Variants in MYO1E observed in about 807,000 individuals in gnomAD.
The protein encoded by MYO1E is unconventional myosin-Ie.
A neutral mutation model predicts 151.1 loss-of-function variants in MYO1E; 68 were observed. The ratio of observed to expected loss-of-function variants is 0.45; its 90% CI spans 0.37 to 0.55. The LOEUF is 0.55. Ranked by LOEUF, MYO1E falls within the 20% of genes least tolerant of loss-of-function variation. The pLI is 0.00. For missense variants in MYO1E, 1,363 were observed against 1,389.3 expected, an observed-to-expected ratio of 0.98 and a Z score of 0.30; for synonymous variants, 601 against 501.7, an observed-to-expected ratio of 1.20 and a Z score of -2.64.
chr15:59,354,704 G>T (rs1223200997), intron 1 of MYO1E, among the ~76,000 whole-genome samples: 1 of 152,172 alleles, frequency 6.6e-6, no homozygotes, highest in Non-Finnish European at 1.5e-5. Context: ...TTTCCATTTT[G>T]ACCTGGAAAG....
At chr15:59,139,131 G>A (rs776817377) in intron 26 of MYO1E, among the ~76,000 whole-genome samples, 116 of 152,044 alleles carry the variant, frequency 7.6e-4, no homozygotes, top group Non-Finnish European at 1.4e-3. Context: ...TTATGCCTCA[G>A]ACCTCACTCC....
chr15:59,296,815 T>C (rs1328164422), intron 1 of MYO1E, among the ~76,000 whole-genome samples: 5 of 151,212 alleles, frequency 3.3e-5, no homozygotes, highest in South Asian at 2.1e-4. Context: ...TACACAAATA[T>C]ACAAAGAATT....
At chr15:59,192,084 C>A (rs1271850641) in intron 17 of MYO1E, among the ~76,000 whole-genome samples, 1 of 152,160 alleles carries the variant, frequency 6.6e-6, no homozygotes, top group Non-Finnish European at 1.5e-5. Flanking sequence ...AAGCACACTG[C>A]CCTTTCACGG....
rs772877405 is a variant in MYO1E at position 59,256,350 on chromosome 15, T to C, written c.266A>G (p.Tyr89Cys). ...AAQYENPPHI[Y>C]ALADNMYRNM... Reference sequence around the variant, plus strand: ...TCTGTACATATTATCTGCAAGGGCATAGATATGTGGTGGGTTTTCATACTG... The same window carrying C: ...TCTGTACATATTATCTGCAAGGGCACAGATATGTGGTGGGTTTTCATACTG... The change falls in exon 4 of 28, where the codon TAT becomes TGT. Residue 89 changes from tyrosine to cysteine, a missense_variant. By Grantham distance (194) the Tyr-to-Cys change is radical. Transcript: ENST00000288235. The C allele has an allele frequency of 3.1e-6, 5 of 1,612,440 alleles. No individual in the cohort carries two copies. The highest frequency in any genetic ancestry group is 2.2e-5 in the East Asian group (1 of 44,846).
intron 1 of MYO1E, among the ~76,000 whole-genome samples, chr15:59,316,125 C>G (rs550185166): frequency 6.6e-6 from 1 of 152,052 alleles, no homozygotes; most frequent in Non-Finnish European, 1.5e-5. Flanking sequence ...TTGCAAAAAC[C>G]GAAAAAGCAT....
At chr15:59,223,316 A>T (rs1174945048) in intron 8 of MYO1E, 125 bp from the exon 9 acceptor site, 53 of 39,908 alleles carry the variant, frequency 1.3e-3, no homozygotes, top group Non-Finnish European at 2.4e-3. Flanking sequence ...AGTTACAAAG[A>T]AAAAAAAAAA....
intron 1 of MYO1E, among the ~76,000 whole-genome samples, chr15:59,288,874 A>G (rs2080403312): frequency 6.6e-6 from 1 of 152,242 alleles, no homozygotes; most frequent in Non-Finnish European, 1.5e-5. Flanking sequence ...CAGGCTAACC[A>G]AAATGGAAGC....
chr15:59,326,362 C>CA (rs1203752316), intron 1 of MYO1E, among the ~76,000 whole-genome samples: 71 of 145,958 alleles, frequency 4.9e-4, no homozygotes, highest in South Asian at 1.5e-3. Flanking sequence ...TACTAAAATA[C>CA]AAAAAAAAAA....
chr15:59,219,342 A>C (rs1427951119), intron 9 of MYO1E, among the ~76,000 whole-genome samples: 1 of 152,266 alleles, frequency 6.6e-6, no homozygotes, highest in African/African-American at 2.4e-5. Flanking sequence ...GATGCAATGC[A>C]AATTTTGAAC....
chr15:59,155,262 C>A (rs1435874820), intron 25 of MYO1E, among the ~76,000 whole-genome samples: 1 of 152,332 alleles, frequency 6.6e-6, no homozygotes, highest in Non-Finnish European at 1.5e-5. Context: ...ACGTTCATGG[C>A]AGTTTGACAG....
chr15:59,134,899 A>C lies in MYO1E; in HGVS notation c.*2481T>G, dbSNP rs2079363432. ...AGAGGAAACCCAGGTTAGTGTCTTA[A>C]AGGGAAAAAAGACATTTTTCTGAAG... is the stretch of plus-strand genomic sequence containing the variant. On this transcript the variant is annotated 3_prime_UTR_variant, in exon 28 of 28. Coordinates refer to ENST00000288235, the MANE Select transcript of MYO1E (RefSeq NM_004998.4). 6.6e-6 allele frequency: 1 copy of C among 152,216 alleles called. No individual in the cohort carries two copies. Among genetic ancestry groups the C allele is most frequent in the African/African-American group, 2.4e-5 (1 of 41,454 alleles). 9.4% of individuals were successfully genotyped at this position (152,216 alleles called of 1,614,324 possible). A position where few individuals can be genotyped will look rare whatever the true frequency, so the allele number is the denominator to read the frequency against.
chr15:59,233,685 A>AAAG (rs1491332610), intron 5 of MYO1E, among the ~76,000 whole-genome samples: 2 of 143,128 alleles, frequency 1.4e-5, no homozygotes, highest in Non-Finnish European at 3.0e-5. Flanking sequence ...AAAAAAAAAA[A>AAAG]GGCAGCAAAA....
chr15:59,166,128 T>G (rs2079561704), intron 22 of MYO1E, among the ~76,000 whole-genome samples: 1 of 152,258 alleles, frequency 6.6e-6, no homozygotes, highest in South Asian at 2.1e-4. Flanking sequence ...GTTTGGACAC[T>G]TTGACTTTAA....
chr15:59,277,563 A>ACAACAACAAC (rs1182145254), intron 1 of MYO1E, among the ~76,000 whole-genome samples: 2,330 of 130,096 alleles, frequency 0.018, 71 homozygotes, highest in African/African-American at 0.065. Flanking sequence ...AAAAAAAAAA[A>ACAACAACAAC]AAAAAAAAAA....
intron 4 of MYO1E, among the ~76,000 whole-genome samples, chr15:59,254,062 A>G (rs2080180650): frequency 6.6e-6 from 1 of 152,148 alleles, no homozygotes; most frequent in South Asian, 2.1e-4. Context: ...TTATAGGAAA[A>G]TCATGGAATT....
In MYO1E at chr15:59,175,943, CAAA is replaced by C. The variant is rs781112359; in HGVS notation, c.2050-1706_2050-1704del. Among the ~76,000 whole-genome samples, 1,344 of 152,190 alleles carry C rather than the reference CAAA, an allele frequency of 8.8e-3. 26 individuals are homozygous for C. Among genetic ancestry groups the C allele is most frequent in the African/African-American group, 0.029 (1,209 of 41,500 alleles). ...GGAGAGAATAAAAACCAAACCAAAC[CAAA>C]AAACAACAACAGGAAAACACACAAA... is the stretch of plus-strand genomic sequence containing the variant. On this transcript the variant is annotated intron_variant, in intron 19 of 27. Coordinates refer to ENST00000288235, the MANE Select transcript of MYO1E (RefSeq NM_004998.4).
intron 6 of MYO1E, among the ~76,000 whole-genome samples, chr15:59,229,695 TGTAA>T (rs56078111): frequency 0.45 from 68,368 of 151,730 alleles, 18,773 homozygotes; most frequent in Non-Finnish European, 0.63. Context: ...TGAAAAGATT[TGTAA>T]GTGTTAAATA....
chr15:59,289,916 A>G (rs578120006), intron 1 of MYO1E, among the ~76,000 whole-genome samples: 53 of 152,336 alleles, frequency 3.5e-4, no homozygotes, highest in Admixed American at 6.5e-4. Context: ...TTCTCATTGT[A>G]TCTGTGAAAT....
chr15:59,217,057 C>T (rs544193306), intron 10 of MYO1E, among the ~76,000 whole-genome samples: 5 of 152,120 alleles, frequency 3.3e-5, no homozygotes, highest in South Asian at 4.1e-4. Flanking sequence ...CATCTTTCAG[C>T]CAGATCCTCC....
Sources: allele counts gnomAD v4.1 joint callset (sites outside exome capture counted in the v4.1 genomes callset), GRCh38; gene constraint gnomAD v4.1.1; transcripts MANE v1.5; gene names NCBI Gene and HGNC (gene_info 2026-07-23, HGNC 2026-07-21).